C12orf54: variants seen among roughly 807,000 people sequenced by gnomAD.
The protein encoded by C12orf54 is chromosome 12 open reading frame 54.
C12orf54 carries 24 observed loss-of-function variants against 26.4 expected under a neutral mutation model. The observed-to-expected ratio is 0.91, with a 90% CI of 0.66 to 1.28. The LOEUF is 1.28. Ranked by LOEUF, C12orf54 falls within the 50% of genes most tolerant of loss-of-function variation. The pLI, the probability that C12orf54 is intolerant of heterozygous loss-of-function variation, is 0.00. For missense variants in C12orf54, 154 were observed against 150.9 expected, an observed-to-expected ratio of 1.02 and a Z score of -0.11; for synonymous variants, 54 against 47.0, an observed-to-expected ratio of 1.15 and a Z score of -0.61.
intron 2 of C12orf54, chr12:48,483,607 A>G (rs948490263): frequency 4.5e-6 from 2 of 443,508 alleles, no homozygotes; most frequent in Admixed American, 3.9e-5. Flanking sequence ...TTGGCGGGGT[A>G]TACAAACTAG....
intron 4 of C12orf54, 81 bp downstream of exon 4, chr12:48,486,807 T>C (rs1937656592): frequency 7.2e-7 from 1 of 1,388,846 alleles, no homozygotes; most frequent in Admixed American, 1.8e-5. Flanking sequence ...CACATTTCTT[T>C]CTCTTTCCTT....
At chr12:48,454,135 G>C in the C12orf54 span, among the ~76,000 whole-genome samples, 1 of 123,114 alleles carries the variant, frequency 8.1e-6, no homozygotes, top group Admixed American at 1.0e-4. Context: ...GTCTCACTCT[G>C]TTGCCAGGCT....
chr12:48,483,238 AG>A lies in C12orf54; in HGVS notation c.-56del. 1.3e-6 allele frequency: 2 copies of A among 1,502,718 alleles called. No individual in the cohort carries two copies. Among genetic ancestry groups the A allele is most frequent in the Non-Finnish European group, 1.8e-6 (2 of 1,081,482 alleles). The allele number at this position is 1,502,718 out of a possible 1,614,324, so 93.1% of individuals were successfully genotyped here. A position where few individuals can be genotyped will look rare whatever the true frequency, so the allele number is the denominator to read the frequency against. On this transcript the variant is annotated splice_acceptor_variant, in intron 1 of 8. Coordinates refer to ENST00000548364, the MANE Select transcript of C12orf54 (RefSeq NM_152319.4). LOFTEE classifies it low-confidence loss of function (5UTR_SPLICE). The stretch of plus-strand genomic sequence containing the variant: ...TCCGCATATTCATTTATGCCTCTCC[AG>A]GGCCTGGAGCTATCTCCATCTTCAG...
chr12:48,418,260 G>T, the C12orf54 span, among the ~76,000 whole-genome samples: 2 of 152,154 alleles, frequency 1.3e-5, no homozygotes, highest in African/African-American at 4.8e-5. Flanking sequence ...TGTCTGGAAG[G>T]GAAAGACATT....
At chr12:48,483,643 C>T (rs1245442560) in intron 2 of C12orf54, 1 of 327,476 alleles carries the variant, frequency 3.1e-6, no homozygotes, top group African/African-American at 2.2e-5. Context: ...CCAGGATTGA[C>T]TTTGCCTAAG....
the C12orf54 span, chr12:48,442,193 G>A: frequency 1.1e-5 from 2 of 189,232 alleles, no homozygotes; most frequent in African/African-American, 4.7e-5. Context: ...GAGTAATCCG[G>A]AGCCATAAAA....
At chr12:48,481,638 T>G (rs1954200374), upstream of C12orf54, among the ~76,000 whole-genome samples, 1 of 152,166 alleles carries the variant, frequency 6.6e-6, no homozygotes, top group South Asian at 2.1e-4. Flanking sequence ...TACCCTGGCA[T>G]TTTGTCGCAG....
chr12:48,451,910 C>G, the C12orf54 span, among the ~76,000 whole-genome samples: 2 of 152,100 alleles, frequency 1.3e-5, no homozygotes, highest in Admixed American at 1.3e-4. Flanking sequence ...CCATACTGTC[C>G]AAAATAATTT....
At chr12:48,434,374 C>A in the C12orf54 span, among the ~76,000 whole-genome samples, 1 of 152,198 alleles carries the variant, frequency 6.6e-6, no homozygotes, top group Admixed American at 6.5e-5. Context: ...ATAACCTCTG[C>A]AGACTTAAAT....
the C12orf54 span, among the ~76,000 whole-genome samples, chr12:48,460,373 C>T: frequency 0.064 from 9,743 of 151,812 alleles, 1,052 homozygotes; most frequent in African/African-American, 0.22. Context: ...GGAAATAAGG[C>T]TTTTGGAGAC....
chr12:48,486,346 G>A (rs1410177696), intron 3 of C12orf54, 138 bp downstream of exon 3: 5 of 841,268 alleles, frequency 5.9e-6, no homozygotes, highest in Non-Finnish European at 9.5e-6. Flanking sequence ...CTGGCTGGTG[G>A]AGTGGGTCAT....
chr12:48,460,281 T>TA, the C12orf54 span, among the ~76,000 whole-genome samples: 1 of 152,056 alleles, frequency 6.6e-6, no homozygotes, highest in Admixed American at 6.6e-5. Context: ...CTCATTATAC[T>TA]AAAAAATGAA....
chr12:48,484,339 CTCTA>C (rs777353886), intron 2 of C12orf54, among the ~76,000 whole-genome samples: 1 of 152,182 alleles, frequency 6.6e-6, no homozygotes, highest in Non-Finnish European at 1.5e-5. Context: ...TGGGAATCTG[CTCTA>C]TCTAAGAGTA....
Position 48,494,918 on chromosome 12 carries a change from A to G in C12orf54, c.363A>G (p.Ser121=). 1 of 1,613,418 alleles carries G rather than the reference A, an allele frequency of 6.2e-7. No individual in the cohort carries two copies. The highest frequency in any genetic ancestry group is 8.5e-7 in the Non-Finnish European group (1 of 1,179,300). The change falls in exon 8 of 9, where the codon TCA becomes TCG. Residue 121 remains serine (S), a synonymous_variant. Transcript: ENST00000548364. ...HNLKTQLFSQ[S]AYYPGP is the part of the protein sequence containing the mutation. The stretch of plus-strand genomic sequence containing the variant: ...TGAAGACACAGCTCTTCAGTCAATC[A>G]GCTTACTACCCTGGACCCTAACTCT...
the C12orf54 span, among the ~76,000 whole-genome samples, chr12:48,461,071 G>A: frequency 6.6e-6 from 1 of 151,876 alleles, no homozygotes; most frequent in African/African-American, 2.4e-5. Context: ...GAAAAGTGAT[G>A]GAAAAAGATA....
chr12:48,441,267 G>A, the C12orf54 span, among the ~76,000 whole-genome samples: 19 of 152,200 alleles, frequency 1.2e-4, no homozygotes, highest in Non-Finnish European at 2.1e-4. Context: ...GGGCATTTGC[G>A]TAGGCTGTCA....
chr12:48,431,818 T>G, the C12orf54 span, among the ~76,000 whole-genome samples: 1 of 152,150 alleles, frequency 6.6e-6, no homozygotes, highest in Non-Finnish European at 1.5e-5. Flanking sequence ...AGAATGGGGA[T>G]GGGATTGGAG....
chr12:48,437,902 G>A, the C12orf54 span, among the ~76,000 whole-genome samples: 1 of 152,078 alleles, frequency 6.6e-6, no homozygotes, highest in Non-Finnish European at 1.5e-5. Flanking sequence ...GTTCTGGCCA[G>A]GGCAATCAGG....
At chr12:48,438,919 C>A in the C12orf54 span, among the ~76,000 whole-genome samples, 39 of 152,038 alleles carry the variant, frequency 2.6e-4, no homozygotes, top group Non-Finnish European at 2.8e-4. Flanking sequence ...TCTAATTAAA[C>A]TAAAGAGCTT....
Sources: allele counts gnomAD v4.1 joint callset (sites outside exome capture counted in the v4.1 genomes callset), GRCh38; gene constraint gnomAD v4.1.1; transcripts MANE v1.5; gene names NCBI Gene and HGNC (gene_info 2026-07-23, HGNC 2026-07-21).